Variants in ATP4B observed in about 807,000 individuals in gnomAD.
ATP4B encodes the protein ATPase H+/K+ transporting subunit beta, also known as potassium-transporting ATPase subunit beta.
ATP4B carries 27 observed loss-of-function variants against 35.3 expected under a neutral mutation model. The observed-to-expected ratio is 0.76, with a 90% CI of 0.56 to 1.05. The LOEUF (loss-of-function observed/expected upper bound fraction) is 1.05, where lower values mean the gene tolerates loss of function less well. ATP4B is among the 50% of genes least tolerant of loss of function. The pLI, the probability that ATP4B is intolerant of heterozygous loss-of-function variation, is 0.00. For synonymous variants in ATP4B, 162 were observed against 156.0 expected (o/e 1.04, Z -0.29); for missense variants, 375 against 384.8 (o/e 0.97, Z 0.21).
intron 1 of ATP4B, 43 bp downstream of exon 1, chr13:113,657,990 C>G: frequency 6.7e-7 from 1 of 1,486,132 alleles, no homozygotes; most frequent in Non-Finnish European, 9.1e-7. Context: ...GTCCTCAGAG[C>G]GGCCCCCTCC....
At chr13:113,651,599 C>A in intron 5 of ATP4B, 72 bp downstream of exon 5, 7 of 1,456,964 alleles carry the variant, frequency 4.8e-6, no homozygotes, top group Non-Finnish European at 5.5e-6. Flanking sequence ...GGGCCGTGCC[C>A]AGCATGAACC....
At chr13:113,652,781 G>T in intron 4 of ATP4B, 92 bp downstream of exon 4, 1 of 1,460,016 alleles carries the variant, frequency 6.8e-7, no homozygotes, top group Non-Finnish European at 9.5e-7. Context: ...GCAAGCCCCA[G>T]ACAGGACACC....
At chr13:113,657,409 C>T (rs959788794) in intron 1 of ATP4B, among the ~76,000 whole-genome samples, 55 of 152,340 alleles carry the variant, frequency 3.6e-4, no homozygotes, top group African/African-American at 1.3e-3. Flanking sequence ...CTGATGTAGA[C>T]GCAGACGCTT....
At position 113,653,092 on chromosome 13, in the gene ATP4B, C is replaced by T. The variant is rs1325013146; in HGVS notation, c.356-20G>A. The T allele has an allele frequency of 5.6e-6, 9 of 1,598,550 alleles. No homozygotes were observed. The South Asian group carries it at 8.9e-5, about 16-fold the overall frequency. Reference sequence around the variant, plus strand: ...AGTAGCCTGCAGACGGACGCACCTGCCAGCCCTGTCCTGCCCTGGCCCTGA... The same window carrying T: ...AGTAGCCTGCAGACGGACGCACCTGTCAGCCCTGTCCTGCCCTGGCCCTGA... On this transcript the variant is annotated intron_variant, in intron 3 of 6. Transcript: ENST00000335288.
chr13:113,649,142 A>G lies in ATP4B; in HGVS notation c.*232T>C, dbSNP rs1014234667. 5 of 401,720 alleles carry G rather than the reference A, an allele frequency of 1.2e-5. No individual in the cohort carries two copies. The highest frequency in any genetic ancestry group is 1.1e-4 in the African/African-American group (5 of 47,544). The allele number at this position is 401,720 out of a possible 1,614,324, so 24.9% of individuals were successfully genotyped here. A position where few individuals can be genotyped will look rare whatever the true frequency, so the allele number is the denominator to read the frequency against. On this transcript the variant is annotated 3_prime_UTR_variant, in exon 7 of 7. Transcript: ENST00000335288. The surrounding 1 kb of genome is among the most constrained non-coding windows in gnomAD (Gnocchi z 4.7). ...GTTCCCATGGTAGCTGGACATTCTTATAGCAGCAAATTCCATCTAAAAACT... is the reference window on the plus strand; with the variant it reads ...GTTCCCATGGTAGCTGGACATTCTTGTAGCAGCAAATTCCATCTAAAAACT...
chr13:113,652,658 T>C, intron 4 of ATP4B: 1 of 666,628 alleles, frequency 1.5e-6, no homozygotes, highest in Non-Finnish European at 2.7e-6. Context: ...GAGGGCCGGC[T>C]ATGTGCTGGT....
Position 113,652,931 on chromosome 13 carries a change from G to A in ATP4B, c.497C>T (p.Ala166Val), listed in dbSNP as rs75160036. ...ADMLQNCSGL[A>V]DPNFGFEEGK... The stretch of plus-strand genomic sequence containing the variant: ...TTCTTCAAAGCCGAAGTTGGGATCC[G>A]CCAGGCCTGAGCAGTTCTGCAGCAT... The change falls in exon 4 of 7, where the codon GCG (alanine) becomes GTG (valine). Residue 166 changes from alanine (A) to valine (V), a missense_variant. Coordinates refer to ENST00000335288, the MANE Select transcript of ATP4B (RefSeq NM_000705.4). 1.6e-3 allele frequency: 2,547 copies of A among 1,614,158 alleles called. 29 individuals carry two copies. The African/African-American group carries it at 0.027, about 17-fold the overall frequency.
In ATP4B at chr13:113,652,993, G is replaced by A. The variant is rs758247993; in HGVS notation, c.435C>T (p.Pro145=). 3.1e-6 allele frequency: 5 copies of A among 1,614,084 alleles called. No homozygotes were observed. The South Asian group carries it at 3.3e-5, about 11-fold the overall frequency. The change falls in exon 4 of 7, where the codon CCC becomes CCT. Residue 145 remains proline (P), a synonymous_variant. Coordinates refer to ENST00000335288, the MANE Select transcript of ATP4B (RefSeq NM_000705.4). ...QYFFQESFRA[P]NHTKFSCKFT... ...ACTTGCAGGAGAACTTGGTGTGGTT[G>A]GGAGCGCGGAAACTCTCCTGGAAGA...
At position 113,652,931 on chromosome 13, in the gene ATP4B, G is replaced by C. The variant is rs75160036; in HGVS notation, c.497C>G (p.Ala166Gly). 1.2e-6 allele frequency: 2 copies of C among 1,614,158 alleles called. No individual in the cohort carries two copies. Among genetic ancestry groups the C allele is most frequent in the East Asian group, 4.5e-5 (2 of 44,884 alleles). Residue 166 changes from alanine (A) to glycine (G), a missense_variant, in exon 4 of 7, where the codon GCG (alanine) becomes GGG (glycine). Transcript: ENST00000335288. Reference sequence around the variant, plus strand: ...TTCTTCAAAGCCGAAGTTGGGATCCGCCAGGCCTGAGCAGTTCTGCAGCAT... The same window carrying C: ...TTCTTCAAAGCCGAAGTTGGGATCCCCCAGGCCTGAGCAGTTCTGCAGCAT... ...ADMLQNCSGL[A>G]DPNFGFEEGK...
intron 2 of ATP4B, 148 bp downstream of exon 2, chr13:113,654,665 TG>T (rs1388087502): frequency 3.1e-6 from 4 of 1,270,846 alleles, no homozygotes; most frequent in Non-Finnish European, 3.2e-6. Context: ...GGGCACCTGC[TG>T]GGGTGTGTGG....
At position 113,649,684 on chromosome 13, in the gene ATP4B, A is replaced by G. The variant is rs561805849; in HGVS notation, c.715-149T>C. ...GCCCTGACCGAGTGCATGCCCTGGA[A>G]TTTGCTGAGATAACACCCCCCATGT... On this transcript the variant is annotated intron_variant, in intron 6 of 6. Coordinates refer to ENST00000335288, the MANE Select transcript of ATP4B (RefSeq NM_000705.4). This position sits in a 1 kb window ranked among gnomAD's most constrained non-coding sequence, Gnocchi z 4.7. The G allele has an allele frequency of 6.9e-6, 6 of 872,738 alleles. No homozygotes were observed. In the Admixed American group the frequency reaches 1.8e-4, roughly 26 times the overall value. 54.1% of individuals were successfully genotyped at this position (872,738 alleles called of 1,614,324 possible).
chr13:113,651,765 C>T, intron 4 of ATP4B, 38 bp from the exon 5 acceptor site: 1 of 1,607,618 alleles, frequency 6.2e-7, no homozygotes, highest in Non-Finnish European at 8.5e-7. Flanking sequence ...GCTCCCCACC[C>T]CCACCGCCAT....
In ATP4B at chr13:113,651,755, G is replaced by A. The variant is rs779409641; in HGVS notation, c.556-28C>T. On this transcript the variant is annotated intron_variant, in intron 4 of 6. Transcript: ENST00000335288. ...AGAAGGGAAAAGCTTGAGCGTGGCC[G>A]CTCCCCACCCCCACCGCCATGTGAG... 19 of 1,610,230 alleles carry A rather than the reference G, an allele frequency of 1.2e-5. No individual in the cohort carries two copies. The South Asian group carries it at 1.4e-4, about 12-fold the overall frequency.
At position 113,651,817 on chromosome 13, in the gene ATP4B, G is replaced by T. The variant is rs12427449; in HGVS notation, c.556-90C>A. On this transcript the variant is annotated intron_variant, in intron 4 of 6. Transcript: ENST00000335288. ...CCACCCATGGAGCTGAGATCTGGCC[G>T]GCCCCAGCCTGGGCTTTCTGACCAG... The T allele has an allele frequency of 2.0e-5, 30 of 1,480,892 alleles. No homozygotes were observed. In the African/African-American group the frequency reaches 3.2e-4, roughly 16 times the overall value. 91.7% of individuals were successfully genotyped at this position (1,480,892 alleles called of 1,614,324 possible).
intron 3 of ATP4B, 101 bp downstream of exon 3, chr13:113,653,219 GC>G (rs2049726798): frequency 4.5e-6 from 6 of 1,328,836 alleles, no homozygotes; most frequent in Non-Finnish European, 6.2e-6. Flanking sequence ...CTCACCTGCT[GC>G]TTCACACCTC....
At position 113,650,958 on chromosome 13, in the gene ATP4B, C is replaced by T. The variant is rs1049135138; in HGVS notation, c.613-451G>A. 2.6e-5 allele frequency among the ~76,000 whole-genome samples: 4 copies of T among 152,012 alleles called. No homozygotes were observed. Among genetic ancestry groups the T allele is most frequent in the Non-Finnish European group, 4.4e-5 (3 of 68,016 alleles). ...CCAGTGGGTAGCTCAGGGTCATCAA[C>T]GAACAGCTGAAGGGTGCTTTGGATC... On this transcript the variant is annotated intron_variant, in intron 5 of 6. Transcript: ENST00000335288. This position sits in a 1 kb window ranked among gnomAD's most constrained non-coding sequence, Gnocchi z 5.0.
chr13:113,649,259 C>G lies in ATP4B; in HGVS notation c.*115G>C, dbSNP rs1199322108. On this transcript the variant is annotated 3_prime_UTR_variant, in exon 7 of 7. Coordinates refer to ENST00000335288, the MANE Select transcript of ATP4B (RefSeq NM_000705.4). The surrounding 1 kb of genome is among the most constrained non-coding windows in gnomAD (Gnocchi z 4.7). ...AGTTCGCACACTGACAACACCGTTGCTCCAAACCACTTTGGGGATGATTTG... is the reference window on the plus strand; with the variant it reads ...AGTTCGCACACTGACAACACCGTTGGTCCAAACCACTTTGGGGATGATTTG... 8.2e-6 allele frequency: 11 copies of G among 1,345,166 alleles called. No homozygotes were observed. The highest frequency in any genetic ancestry group is 1.1e-5 in the Non-Finnish European group (11 of 996,924). 83.3% of individuals were successfully genotyped at this position (1,345,166 alleles called of 1,614,324 possible).
rs986838865 is a variant in ATP4B, at chr13:113,650,666, C to T, written c.613-159G>A. Among the ~76,000 whole-genome samples, 3 of 152,146 alleles carry T rather than the reference C, an allele frequency of 2.0e-5. No individual in the cohort carries two copies. Among genetic ancestry groups the T allele is most frequent in the African/African-American group, 7.2e-5 (3 of 41,432 alleles). On this transcript the variant is annotated intron_variant, in intron 5 of 6. Coordinates refer to ENST00000335288, the MANE Select transcript of ATP4B (RefSeq NM_000705.4). The surrounding 1 kb of genome is among the most constrained non-coding windows in gnomAD (Gnocchi z 5.0). Reference sequence around the variant, plus strand: ...ATAAATCAGATGCAATCTTTCTAATCAGTGCTGAGATCTCAGCAAGGATAT... The same window carrying T: ...ATAAATCAGATGCAATCTTTCTAATTAGTGCTGAGATCTCAGCAAGGATAT...
At chr13:113,652,839 G>C (rs761996576) in intron 4 of ATP4B, 34 bp downstream of exon 4, 2 of 1,607,204 alleles carry the variant, frequency 1.2e-6, no homozygotes, top group Non-Finnish European at 1.7e-6. Context: ...CTGCACTGTT[G>C]TAGTGGCGTG....
Sources: allele counts gnomAD v4.1 joint callset (sites outside exome capture counted in the v4.1 genomes callset), GRCh38; gene constraint gnomAD v4.1.1; non-coding constraint Gnocchi (gnomAD v3.1); transcripts MANE v1.5; gene names NCBI Gene and HGNC (gene_info 2026-07-23, HGNC 2026-07-21).